UST: variants seen among roughly 807,000 people sequenced by gnomAD.
UST encodes the protein chondroitin sulfate 2-O-sulfotransferase.
In UST, 21 loss-of-function variants were observed where a neutral mutation model predicts 45.6. The observed-to-expected ratio is 0.46, with a 90% CI of 0.33 to 0.66. The LOEUF (loss-of-function observed/expected upper bound fraction) is 0.66. UST is among the 30% of genes least tolerant of loss of function. The pLI, the probability that UST is intolerant of heterozygous loss-of-function variation, is 0.02. For missense variants in UST, 463 were observed against 512.4 expected (o/e 0.90, Z 0.93); for synonymous variants, 215 against 200.6 (o/e 1.07, Z -0.61).
At chr6:149,068,894 T>A (rs1776780060) in intron 7 of UST, among the ~76,000 whole-genome samples, 1 of 152,198 alleles carries the variant, frequency 6.6e-6, no homozygotes, top group Admixed American at 6.5e-5. Context: ...CAGCCCGCTC[T>A]CCAACCCAGA....
At chr6:148,944,922 A>G (rs1218780358) in intron 3 of UST, among the ~76,000 whole-genome samples, 2 of 152,202 alleles carry the variant, frequency 1.3e-5, no homozygotes, top group African/African-American at 2.4e-5. Flanking sequence ...ATGGCATGTG[A>G]TTGCCAAAAA....
At chr6:148,840,434 G>A (rs1444821006) in intron 1 of UST, among the ~76,000 whole-genome samples, 1 of 152,176 alleles carries the variant, frequency 6.6e-6, no homozygotes, top group Admixed American at 6.5e-5. Context: ...GCCAATAGGT[G>A]CTCTGAAAGC....
intron 1 of UST, among the ~76,000 whole-genome samples, chr6:148,765,797 C>T (rs1776310913): frequency 6.6e-6 from 1 of 151,148 alleles, no homozygotes; most frequent in Admixed American, 6.6e-5. Flanking sequence ...AATTTATGTT[C>T]TTCTGCCTTC....
chr6:148,886,955 G>T (rs200990082), intron 1 of UST, 31 bp from the exon 2 acceptor site: 8 of 1,592,894 alleles, frequency 5.0e-6, no homozygotes, highest in Middle Eastern at 1.7e-4. Context: ...TTTAAAAAAC[G>T]GATTCATCAA....
chr6:149,048,126 CA>C (rs981468123), intron 7 of UST, among the ~76,000 whole-genome samples: 2 of 148,012 alleles, frequency 1.4e-5, no homozygotes, highest in Admixed American at 1.3e-4. Flanking sequence ...CTAAAGAGTT[CA>C]TTTTTTTTTT....
chr6:148,828,000 A>C lies in UST; in HGVS notation c.248-58986A>C, dbSNP rs1777606830. Among the ~76,000 whole-genome samples the C allele has an allele frequency of 2.0e-5, 3 of 152,132 alleles. No homozygotes were observed. In the South Asian group the frequency reaches 6.2e-4, roughly 32 times the overall value. Reference sequence around the variant, plus strand: ...TTTTGGAGAAAAAAAGCTTTTTCATAGAGGTTGTCAAATGTTGCCATATGT... The same window carrying C: ...TTTTGGAGAAAAAAAGCTTTTTCATCGAGGTTGTCAAATGTTGCCATATGT... On this transcript the variant is annotated intron_variant, in intron 1 of 7. Coordinates refer to ENST00000367463, the MANE Select transcript of UST (RefSeq NM_005715.3).
chr6:149,032,323 T>G (rs2115026377), intron 7 of UST, among the ~76,000 whole-genome samples: 1 of 152,212 alleles, frequency 6.6e-6, no homozygotes, highest in Admixed American at 6.5e-5. Flanking sequence ...CAGCCTGAGT[T>G]CTTCCTCCCT....
At chr6:148,995,242 C>T (rs543190823) in intron 5 of UST, among the ~76,000 whole-genome samples, 3 of 152,170 alleles carry the variant, frequency 2.0e-5, no homozygotes, top group South Asian at 2.1e-4. Context: ...AGGCTGGTCT[C>T]GAACTCCTGG....
At chr6:149,010,008 TAA>T (rs935800363) in intron 5 of UST, among the ~76,000 whole-genome samples, 1 of 151,356 alleles carries the variant, frequency 6.6e-6, no homozygotes, top group Non-Finnish European at 1.5e-5. Context: ...CTTTAAAATA[TAA>T]GTTTTTTTAA....
At chr6:149,023,242 C>A (rs1174042347) in intron 7 of UST, among the ~76,000 whole-genome samples, 1 of 151,784 alleles carries the variant, frequency 6.6e-6, no homozygotes, top group African/African-American at 2.4e-5. Context: ...TGAACACTCT[C>A]CATAAAAGAT....
chr6:148,893,695 G>T (rs1158831152), intron 2 of UST, among the ~76,000 whole-genome samples: 1 of 152,194 alleles, frequency 6.6e-6, no homozygotes, highest in Non-Finnish European at 1.5e-5. Context: ...CCAGTCAAAG[G>T]ACAGGCTGGC....
chr6:149,000,193 G>A lies in UST; in HGVS notation c.682-18946G>A, dbSNP rs535407767. ...ACTTTCCAAGTAAAGGAAGTTAAAC[G>A]TAGCAACTGCTCATCTTCTGCCTGG... On this transcript the variant is annotated intron_variant, in intron 5 of 7. Transcript: ENST00000367463. Among the ~76,000 whole-genome samples the A allele has an allele frequency of 5.3e-5, 8 of 152,312 alleles. No homozygotes were observed. In the South Asian group the frequency reaches 6.2e-4, roughly 12 times the overall value.
At chr6:148,755,933 T>C (rs1418038368) in intron 1 of UST, among the ~76,000 whole-genome samples, 1 of 152,048 alleles carries the variant, frequency 6.6e-6, no homozygotes, top group Admixed American at 6.5e-5. Context: ...CGTATACATG[T>C]GCCATCTTGG....
At chr6:148,759,847 C>CAAA (rs71554421) in intron 1 of UST, among the ~76,000 whole-genome samples, 1,841 of 59,004 alleles carry the variant, frequency 0.031, 107 homozygotes, top group Non-Finnish European at 0.041. Context: ...GACTCTGTCT[C>CAAA]AAAAAAAAAA....
intron 7 of UST, among the ~76,000 whole-genome samples, chr6:149,040,526 A>G (rs752695716): frequency 3.3e-5 from 5 of 152,150 alleles, no homozygotes; most frequent in African/African-American, 4.8e-5. Context: ...ATGGTGGTGC[A>G]TGCCTGTAAT....
chr6:149,033,211 G>T (rs1428276959), intron 7 of UST, among the ~76,000 whole-genome samples: 1 of 152,206 alleles, frequency 6.6e-6, no homozygotes, highest in Non-Finnish European at 1.5e-5. Flanking sequence ...CTAGACAAAG[G>T]ATTTCAAAAC....
At chr6:148,966,172 C>T (rs2114961451) in intron 5 of UST, among the ~76,000 whole-genome samples, 1 of 151,742 alleles carries the variant, frequency 6.6e-6, no homozygotes, top group South Asian at 2.1e-4. Flanking sequence ...TGCAGTGAGC[C>T]AAGATCGTGC....
chr6:149,038,712 G>A (rs762744712), intron 7 of UST, among the ~76,000 whole-genome samples: 22 of 152,150 alleles, frequency 1.4e-4, no homozygotes, highest in Non-Finnish European at 2.5e-4. Flanking sequence ...ATCTGCCCAC[G>A]TTCAAAGCAG....
At chr6:148,945,637 C>T (rs9390642) in intron 3 of UST, among the ~76,000 whole-genome samples, 3,384 of 152,230 alleles carry the variant, frequency 0.022, 115 homozygotes, top group East Asian at 0.12. Flanking sequence ...ATGTTGCGTG[C>T]CTTGTCCCGA....
Sources: allele counts gnomAD v4.1 joint callset (sites outside exome capture counted in the v4.1 genomes callset), GRCh38; gene constraint gnomAD v4.1.1; transcripts MANE v1.5; gene names NCBI Gene and HGNC (gene_info 2026-07-23, HGNC 2026-07-21).